CNN2: variants seen among roughly 807,000 people sequenced by gnomAD.
The protein encoded by CNN2 is calponin 2, also known as calponin-2.
CNN2 carries 21 observed loss-of-function variants against 31.0 expected under a neutral mutation model. The ratio of observed to expected loss-of-function variants is 0.68; its 90% CI spans 0.48 to 0.98. The LOEUF is 0.98. Among genes scored for constraint, CNN2 ranks in the 50% least tolerant of loss-of-function variants. CNN2 has a pLI of 0.00. For synonymous variants in CNN2, 165 were observed against 179.6 expected (o/e 0.92, Z 0.65); for missense variants, 399 against 427.3 (o/e 0.93, Z 0.58).
intron 4 of CNN2, 43 bp downstream of exon 4, chr19:1,032,739 G>T: frequency 6.8e-7 from 1 of 1,478,518 alleles, no homozygotes; most frequent in South Asian, 1.1e-5. Context: ...GAGTCACACA[G>T]CGAGGTGGAT....
intron 4 of CNN2, among the ~76,000 whole-genome samples, chr19:1,033,498 C>A (rs2039532966): frequency 6.6e-6 from 1 of 152,150 alleles, no homozygotes; most frequent in African/African-American, 2.4e-5. Flanking sequence ...AAGACTCTCT[C>A]AAAAAATAAT....
Position 1,036,656 on chromosome 19 carries a change from C to G in CNN2, c.654+94C>G, listed in dbSNP as rs761052330. On this transcript the variant is annotated intron_variant, in intron 6 of 6. Coordinates refer to ENST00000263097, the MANE Select transcript of CNN2 (RefSeq NM_004368.4). ...CTGGGGCCACCTCCAGCTTCTCTCC[C>G]CACTCTCAGTCTCAGCCCCTTCCCT... is the stretch of plus-strand genomic sequence containing the variant. The G allele has an allele frequency of 4.7e-6, 7 of 1,490,630 alleles. No individual in the cohort carries two copies. The Middle Eastern group carries it at 1.0e-3, about 218-fold the overall frequency. 92.3% of individuals were successfully genotyped at this position (1,490,630 alleles called of 1,614,324 possible).
At chr19:1,036,778 C>A in intron 6 of CNN2, 1 of 635,010 alleles carries the variant, frequency 1.6e-6, no homozygotes. Flanking sequence ...GAAGTTACTA[C>A]CTCACCCTGT....
At chr19:1,027,913 C>T (rs1186518843) in intron 1 of CNN2, among the ~76,000 whole-genome samples, 2 of 152,218 alleles carry the variant, frequency 1.3e-5, no homozygotes, top group Non-Finnish European at 2.9e-5. Flanking sequence ...GCTGTGAGCC[C>T]CTGCAAGCCT....
chr19:1,033,708 G>A (rs1241150122), intron 4 of CNN2, among the ~76,000 whole-genome samples: 1 of 124,590 alleles, frequency 8.0e-6, no homozygotes, highest in African/African-American at 3.0e-5. Context: ...GGTGTAGACC[G>A]GGAGCGTGGG....
intron 1 of CNN2, 87 bp from the exon 2 acceptor site, chr19:1,030,984 C>G (rs984508351): frequency 3.8e-5 from 56 of 1,482,472 alleles, no homozygotes; most frequent in South Asian, 2.5e-4. Flanking sequence ...CCTGGAGTCC[C>G]CGGCCCCACC....
At chr19:1,028,582 G>A (rs2039436805) in intron 1 of CNN2, among the ~76,000 whole-genome samples, 1 of 152,214 alleles carries the variant, frequency 6.6e-6, no homozygotes, top group South Asian at 2.1e-4. Context: ...CTTGCATCCC[G>A]GCTTGGGGGT....
At chr19:1,032,868 TC>T in intron 4 of CNN2, 172 bp downstream of exon 4, 1 of 587,314 alleles carries the variant, frequency 1.7e-6, no homozygotes, top group Non-Finnish European at 3.0e-6. Flanking sequence ...AACCTCCAAC[TC>T]CCAGGTTCAA....
chr19:1,036,110 G>T lies in CNN2; in HGVS notation c.391-20G>T. ...CTGGCTGCCCTCTGCTGGTACTCCCGGCCCCTTTCCCTCACCCAGGCCAAG... is the reference window on the plus strand; with the variant it reads ...CTGGCTGCCCTCTGCTGGTACTCCCTGCCCCTTTCCCTCACCCAGGCCAAG... On this transcript the variant is annotated intron_variant, in intron 4 of 6. Coordinates refer to ENST00000263097, the MANE Select transcript of CNN2 (RefSeq NM_004368.4). The T allele has an allele frequency of 1.3e-6, 2 of 1,580,088 alleles. No individual in the cohort carries two copies. The highest frequency in any genetic ancestry group is 1.7e-6 in the Non-Finnish European group (2 of 1,162,528).
rs1450318271 is a variant in CNN2 at position 1,036,251 on chromosome 19, G to A, written c.507+5G>A. The stretch of plus-strand genomic sequence containing the variant: ...CAGTGCGTCATCGGGCTGCAGGTGG[G>A]CGACAGCTCCCCCAGCCCCAGGGAC... On this transcript the variant is annotated splice_donor_5th_base_variant and intron_variant, in intron 5 of 6. Coordinates refer to ENST00000263097, the MANE Select transcript of CNN2 (RefSeq NM_004368.4). The A allele has an allele frequency of 1.3e-6, 2 of 1,576,730 alleles. No individual in the cohort carries two copies. Among genetic ancestry groups the A allele is most frequent in the South Asian group, 1.2e-5 (1 of 85,520 alleles).
chr19:1,030,042 C>G (rs1032288531), intron 1 of CNN2, among the ~76,000 whole-genome samples: 1 of 152,164 alleles, frequency 6.6e-6, no homozygotes, highest in Non-Finnish European at 1.5e-5. Context: ...CTCCCGCTCC[C>G]GCTACACGAC....
chr19:1,037,598 C>T (rs1169789230), intron 6 of CNN2, 27 bp from the exon 7 acceptor site: 3 of 1,594,942 alleles, frequency 1.9e-6, no homozygotes, highest in South Asian at 1.1e-5. Context: ...TCCACCATGA[C>T]CTGCTCCACC....
chr19:1,036,579 T>C lies in CNN2; in HGVS notation c.654+17T>C. On this transcript the variant is annotated intron_variant, in intron 6 of 6. Transcript: ENST00000263097. ...GCCAGCCAGGTGGGGCTCGCCCGGG[T>C]GCCCCCGACTCCTCTCCCTGCCCCT... 6.2e-7 allele frequency: 1 copy of C among 1,613,486 alleles called. No homozygotes were observed. The highest frequency in any genetic ancestry group is 8.5e-7 in the Non-Finnish European group (1 of 1,179,878).
Position 1,037,738 on chromosome 19 carries a change from C to A in CNN2, c.768C>A (p.Asn256Lys). The change falls in exon 7 of 7, where the codon AAC becomes AAA. Residue 256 changes from asparagine to lysine, a missense_variant. Transcript: ENST00000263097. ...AGATGGGCTACACGCAGGGCGCCAA[C>A]CAGAGCGGCCAGGTCTTCGGCCTGG... Reference protein sequence around the residue: ...SLQMGYTQGANQSGQVFGLGR... With the variant: ...SLQMGYTQGAKQSGQVFGLGR... The A allele has an allele frequency of 6.2e-7, 1 of 1,611,716 alleles. No homozygotes were observed. Among genetic ancestry groups the A allele is most frequent in the Non-Finnish European group, 8.5e-7 (1 of 1,180,048 alleles).
At chr19:1,033,342 A>G (rs987599883) in intron 4 of CNN2, among the ~76,000 whole-genome samples, 2 of 151,572 alleles carry the variant, frequency 1.3e-5, no homozygotes, top group East Asian at 2.0e-4. Flanking sequence ...ACATGGTGAA[A>G]CCCCATCTCT....
Position 1,037,933 on chromosome 19 carries a change from G to T in CNN2, c.*33G>T, listed in dbSNP as rs3848639. ...AGCACGCTCTCTCCCCACATCGTCT[G>T]CCCATCTGGGTTTTTGGGTTTTTCT... On this transcript the variant is annotated 3_prime_UTR_variant, in exon 7 of 7. Coordinates refer to ENST00000263097, the MANE Select transcript of CNN2 (RefSeq NM_004368.4). 5.2e-5 allele frequency: 78 copies of T among 1,506,354 alleles called. No homozygotes were observed. Among genetic ancestry groups the T allele is most frequent in the Non-Finnish European group, 6.6e-5 (75 of 1,129,120 alleles). The allele number at this position is 1,506,354 out of a possible 1,614,324, so 93.3% of individuals were successfully genotyped here.
chr19:1,030,797 C>T (rs1204805063), intron 1 of CNN2: 4 of 289,652 alleles, frequency 1.4e-5, no homozygotes, highest in Admixed American at 5.0e-5. Context: ...TGTCCTGCAC[C>T]GGGAGTGGAT....
In CNN2 at chr19:1,037,636, G is replaced by T. The variant is rs776548999; in HGVS notation, c.666G>T (p.Thr222=). ...TCCTTCCTCTCCAGGTGGGCATGAC[G>T]GCTCCCGGGACCCGGCGGCACATCT... is the stretch of plus-strand genomic sequence containing the variant. ...TNKCASQVGM[T]APGTRRHIYD... The change falls in exon 7 of 7, where the codon ACG becomes ACT. Residue 222 remains threonine (T), a synonymous_variant. Coordinates refer to ENST00000263097, the MANE Select transcript of CNN2 (RefSeq NM_004368.4). The T allele has an allele frequency of 5.6e-6, 9 of 1,610,926 alleles. No homozygotes were observed. In the African/African-American group the frequency reaches 1.1e-4, roughly 19 times the overall value.
intron 1 of CNN2, among the ~76,000 whole-genome samples, chr19:1,030,308 G>T (rs972635554): frequency 1.3e-5 from 2 of 152,156 alleles, no homozygotes; most frequent in Admixed American, 1.3e-4. Flanking sequence ...CAGCCTCGGG[G>T]GCAGCTCCTT....
Sources: allele counts gnomAD v4.1 joint callset (sites outside exome capture counted in the v4.1 genomes callset), GRCh38; gene constraint gnomAD v4.1.1; transcripts MANE v1.5; gene names NCBI Gene and HGNC (gene_info 2026-07-23, HGNC 2026-07-21).